The following RGS6 variants were observed in gnomAD, a reference collection of about 807,000 sequenced individuals.
The protein encoded by RGS6 is regulator of G protein signaling 6, also known as regulator of G-protein signaling 6.
RGS6 carries 30 observed loss-of-function variants against 78.5 expected under a neutral mutation model. That is an observed-to-expected ratio of 0.38 (90% confidence interval 0.29 to 0.52). The LOEUF (loss-of-function observed/expected upper bound fraction) is 0.52. RGS6 is among the 20% of genes least tolerant of loss of function. The pLI is 0.85. For missense variants in RGS6, 495 were observed against 609.7 expected, an observed-to-expected ratio of 0.81 and a Z score of 1.98; for synonymous variants, 206 against 206.0, an observed-to-expected ratio of 1.00 and a Z score of 0.00.
chr14:72,100,217 A>G (rs764775951), intron 2 of RGS6, among the ~76,000 whole-genome samples: 1 of 152,124 alleles, frequency 6.6e-6, no homozygotes, highest in Non-Finnish European at 1.5e-5. Flanking sequence ...AAGAAAGAAT[A>G]TAAGGGGCTG....
chr14:72,066,996 C>G (rs2094183365), intron 2 of RGS6, among the ~76,000 whole-genome samples: 1 of 152,052 alleles, frequency 6.6e-6, no homozygotes, highest in East Asian at 1.9e-4. Context: ...TGAACTCATT[C>G]TTTTTTATGG....
intron 2 of RGS6, among the ~76,000 whole-genome samples, chr14:72,129,320 G>T (rs117602353): frequency 4.6e-5 from 7 of 152,348 alleles, no homozygotes; most frequent in African/African-American, 7.2e-5. Context: ...TGTGCCCTCA[G>T]TCCCTAGTTG....
chr14:72,296,149 A>G (rs1015794672), intron 2 of RGS6, among the ~76,000 whole-genome samples: 15 of 152,168 alleles, frequency 9.9e-5, no homozygotes, highest in Non-Finnish European at 1.5e-5. Context: ...TTCACTTAGC[A>G]TAATATTTTT....
At chr14:72,480,507 C>T (rs756278498) in intron 12 of RGS6, among the ~76,000 whole-genome samples, 1 of 152,108 alleles carries the variant, frequency 6.6e-6, no homozygotes, top group African/African-American at 2.4e-5. Context: ...AGTCTCTGCC[C>T]GGCAGAGGCT....
chr14:72,515,381 C>T (rs539043814), intron 14 of RGS6, among the ~76,000 whole-genome samples: 5 of 152,260 alleles, frequency 3.3e-5, no homozygotes, highest in East Asian at 1.9e-4. Flanking sequence ...AATTTGATTC[C>T]GCGGCCTGGT....
chr14:72,002,324 C>T (rs2083629370), intron 2 of RGS6, among the ~76,000 whole-genome samples: 1 of 152,162 alleles, frequency 6.6e-6, no homozygotes. Flanking sequence ...TTATTAGAGG[C>T]AGATTCAGGG....
chr14:72,540,020 C>T (rs758782168), intron 16 of RGS6, 21 bp from the exon 17 acceptor site: 12 of 1,535,664 alleles, frequency 7.8e-6, no homozygotes, highest in African/African-American at 1.4e-5. Flanking sequence ...TTCTCCCTAC[C>T]CTTTTTTTTT....
chr14:72,261,499 A>C (rs1594946083), intron 2 of RGS6, among the ~76,000 whole-genome samples: 1 of 152,182 alleles, frequency 6.6e-6, no homozygotes, highest in East Asian at 1.9e-4. Context: ...GGCTATTATA[A>C]GTGAAAGTGA....
chr14:71,887,217 A>C, the RGS6 span, among the ~76,000 whole-genome samples: 1 of 152,238 alleles, frequency 6.6e-6, no homozygotes, highest in Non-Finnish European at 1.5e-5. Context: ...TTATCTTTGT[A>C]AGCTGAGGAT....
intron 2 of RGS6, among the ~76,000 whole-genome samples, chr14:72,041,778 G>A (rs1455608412): frequency 6.6e-6 from 1 of 152,158 alleles, no homozygotes; most frequent in Non-Finnish European, 1.5e-5. Context: ...ACAATATATT[G>A]TTGGTAAGTC....
At chr14:71,876,303 G>C in the RGS6 span, among the ~76,000 whole-genome samples, 4 of 151,924 alleles carry the variant, frequency 2.6e-5, no homozygotes, top group Non-Finnish European at 5.9e-5. Flanking sequence ...GGTCTCTAAG[G>C]ACTTGCTTTG....
intron 2 of RGS6, among the ~76,000 whole-genome samples, chr14:72,140,175 T>G (rs2153610884): frequency 6.6e-6 from 1 of 152,238 alleles, no homozygotes; most frequent in South Asian, 2.1e-4. Flanking sequence ...GGCGAGAAGC[T>G]TCATGGGCAC....
the RGS6 span, among the ~76,000 whole-genome samples, chr14:72,624,994 T>G: frequency 9.2e-5 from 14 of 152,344 alleles, no homozygotes; most frequent in African/African-American, 3.4e-4. Context: ...TTTTTTTCAC[T>G]GTAAAGTTAC....
intron 2 of RGS6, among the ~76,000 whole-genome samples, chr14:72,340,901 G>T (rs755069109): frequency 8.5e-5 from 13 of 152,180 alleles, no homozygotes; most frequent in Non-Finnish European, 1.6e-4. Flanking sequence ...TTATGTTCCA[G>T]AGGGAAAGAA....
the RGS6 span, among the ~76,000 whole-genome samples, chr14:72,628,633 CA>C: frequency 6.7e-6 from 1 of 150,106 alleles, no homozygotes; most frequent in Non-Finnish European, 1.5e-5. Flanking sequence ...GTAGTCTTGC[CA>C]AAAGAGAGAG....
chr14:72,473,143 T>G (rs925232206), intron 9 of RGS6, among the ~76,000 whole-genome samples, 190 bp downstream of exon 9: 4 of 152,238 alleles, frequency 2.6e-5, no homozygotes, highest in Non-Finnish European at 5.9e-5. Context: ...AAGTTCCACC[T>G]TTTAAAAATT....
At chr14:72,253,105 C>T (rs2056218170) in intron 2 of RGS6, among the ~76,000 whole-genome samples, 2 of 152,214 alleles carry the variant, frequency 1.3e-5, no homozygotes, top group Admixed American at 1.3e-4. Context: ...CAGGCTTGGC[C>T]ATGTGACTTG....
chr14:72,611,992 G>A, the RGS6 span, among the ~76,000 whole-genome samples: 26 of 152,294 alleles, frequency 1.7e-4, 1 homozygote, highest in East Asian at 3.9e-3. Flanking sequence ...GCCAGCATGC[G>A]GTTTATTTTC....
chr14:72,071,227 ATTTAC>A (rs2094397179), intron 2 of RGS6, among the ~76,000 whole-genome samples: 1 of 152,160 alleles, frequency 6.6e-6, no homozygotes, highest in Non-Finnish European at 1.5e-5. Context: ...GTTCGTTCAT[ATTTAC>A]TTTATACCAA....
Sources: allele counts gnomAD v4.1 joint callset (sites outside exome capture counted in the v4.1 genomes callset), GRCh38; gene constraint gnomAD v4.1.1; transcripts MANE v1.5; gene names NCBI Gene and HGNC (gene_info 2026-07-23, HGNC 2026-07-21).